The following SPRY3 variants were observed in gnomAD, a reference collection of about 807,000 sequenced individuals.
The protein encoded by SPRY3 is protein sprouty homolog 3.
In SPRY3, 15 loss-of-function variants were observed where a neutral mutation model predicts 20.2. The ratio of observed to expected loss-of-function variants is 0.74; its 90% CI spans 0.50 to 1.14. The LOEUF is 1.14. Among genes scored for constraint, SPRY3 ranks in the 50% most tolerant of loss-of-function variants. The pLI is 0.00. For synonymous variants in SPRY3, 143 were observed against 136.5 expected, an observed-to-expected ratio of 1.05 and a Z score of -0.33; for missense variants, 364 against 363.9, an observed-to-expected ratio of 1.00 and a Z score of 0.00.
intron 2 of SPRY3, among the ~76,000 whole-genome samples, chrX:155,721,251 G>T (rs2091055089): frequency 6.6e-6 from 1 of 151,924 alleles, no homozygotes; most frequent in Non-Finnish European, 1.5e-5. Context: ...CACAGTCAGA[G>T]AAACCAAAAT....
chrX:155,652,846 G>A (rs2067981278), intron 1 of SPRY3, among the ~76,000 whole-genome samples: 1 of 111,552 alleles, frequency 9.0e-6, no homozygotes, highest in South Asian at 3.7e-4. Context: ...TCTCGTTGAT[G>A]GTTCAGTTTA....
rs532295799 is a variant in SPRY3, at chrX:155,754,761, T to G, written c.-281-13201T>G. Among the ~76,000 whole-genome samples, 79 of 152,186 alleles carry G rather than the reference T, an allele frequency of 5.2e-4. 1 individual carries two copies. The South Asian group carries it at 0.016, about 31-fold the overall frequency. On this transcript the variant is annotated intron_variant, in intron 2 of 3. Coordinates refer to ENST00000675360, the Ensembl canonical transcript of SPRY3. The stretch of plus-strand genomic sequence containing the variant: ...TCCATTTATATAGGTCTGCTTTAAC[T>G]TCTTTCAACAATGTTCTGTGGTTTT...
intron 2 of SPRY3, among the ~76,000 whole-genome samples, chrX:155,756,678 T>C (rs1012598113): frequency 5.3e-5 from 8 of 152,054 alleles, no homozygotes; most frequent in African/African-American, 1.7e-4. Flanking sequence ...AGGATGGAAA[T>C]GAGGAGAAAG....
chrX:155,665,137 T>C (rs1418985964), intron 2 of SPRY3, among the ~76,000 whole-genome samples: 1 of 110,399 alleles, frequency 9.1e-6, no homozygotes, highest in Non-Finnish European at 1.9e-5. Context: ...CTAGTAAACA[T>C]GTTAAAAGAA....
chrX:155,715,955 C>A (rs776301839), intron 2 of SPRY3, among the ~76,000 whole-genome samples: 1 of 152,270 alleles, frequency 6.6e-6, no homozygotes, highest in Non-Finnish European at 1.5e-5. Flanking sequence ...GGAGGGGTGG[C>A]ATCAATGATT....
intron 1 of SPRY3, among the ~76,000 whole-genome samples, chrX:155,647,545 G>C (rs1461005613): frequency 9.1e-6 from 1 of 110,423 alleles, no homozygotes; most frequent in Non-Finnish European, 1.9e-5. Flanking sequence ...TTATGAGTGA[G>C]AACATGCAGT....
intron 2 of SPRY3, among the ~76,000 whole-genome samples, chrX:155,767,505 T>A (rs970476745): frequency 1.3e-5 from 2 of 150,784 alleles, no homozygotes; most frequent in Non-Finnish European, 2.9e-5. Flanking sequence ...GGTTCATCTG[T>A]CAGATTGGAG....
chrX:155,703,928 G>T (rs1000202744), intron 2 of SPRY3, among the ~76,000 whole-genome samples: 9 of 151,844 alleles, frequency 5.9e-5, no homozygotes, highest in African/African-American at 2.2e-4. Flanking sequence ...GCCTGTGGTG[G>T]TTCACTGATG....
intron 1 of SPRY3, among the ~76,000 whole-genome samples, chrX:155,631,151 G>A (rs1201469626): frequency 1.8e-5 from 2 of 111,166 alleles, no homozygotes; most frequent in African/African-American, 3.3e-5. Context: ...TTATGTCCAT[G>A]TGTGCTCAGT....
intron 2 of SPRY3, among the ~76,000 whole-genome samples, chrX:155,680,197 GGA>G (rs761827872): frequency 2.1e-4 from 16 of 75,136 alleles, no homozygotes; most frequent in Admixed American, 6.1e-4. Context: ...TGTGTTTGAG[GGA>G]GAGAGAGAGA....
intron 2 of SPRY3, among the ~76,000 whole-genome samples, chrX:155,712,058 C>T (rs1465256221): frequency 6.6e-6 from 1 of 150,954 alleles, no homozygotes; most frequent in African/African-American, 2.4e-5. Context: ...CATTGTGATG[C>T]TTGATATTAT....
chrX:155,758,615 G>C (rs2091292270), intron 2 of SPRY3, among the ~76,000 whole-genome samples: 1 of 152,136 alleles, frequency 6.6e-6, no homozygotes, highest in Admixed American at 6.5e-5. Flanking sequence ...GATAGAGCTG[G>C]CCTCCTATAG....
intron 2 of SPRY3, among the ~76,000 whole-genome samples, chrX:155,731,290 T>C (rs749621271): frequency 6.6e-6 from 1 of 152,196 alleles, no homozygotes; most frequent in East Asian, 1.9e-4. Context: ...GAAAACAGCA[T>C]GATACTGGCA....
intron 2 of SPRY3, among the ~76,000 whole-genome samples, chrX:155,756,325 T>C (rs1230266039): frequency 2.0e-5 from 3 of 152,060 alleles, no homozygotes; most frequent in Non-Finnish European, 4.4e-5. Flanking sequence ...AAGTGAAGTA[T>C]ATGTTGGTGT....
chrX:155,645,786 T>G (rs782776797), intron 1 of SPRY3, among the ~76,000 whole-genome samples: 1 of 112,083 alleles, frequency 8.9e-6, no homozygotes, highest in East Asian at 2.8e-4. Context: ...AGGCAAGTAC[T>G]CTGAGTGCTC....
At position 155,726,774 on chromosome X, in the gene SPRY3, A is replaced by T. The variant is rs1470439032; in HGVS notation, c.-281-41188A>T. ...ACTGATGGGTCTTGACTCTTTATCC[A>T]ATTTGCCAGTCTGTGTTGTTTAATT... On this transcript the variant is annotated intron_variant, in intron 2 of 3. Transcript: ENST00000675360. Among the ~76,000 whole-genome samples the T allele has an allele frequency of 2.6e-5, 4 of 152,262 alleles. No individual in the cohort carries two copies. The East Asian group carries it at 7.7e-4, about 29-fold the overall frequency.
At chrX:155,649,851 ACT>A (rs2067970572) in intron 1 of SPRY3, among the ~76,000 whole-genome samples, 1 of 111,567 alleles carries the variant, frequency 9.0e-6, no homozygotes, top group African/African-American at 3.3e-5. Context: ...ACATGACATG[ACT>A]TTATATTTAG....
chrX:155,705,273 A>G (rs781459899), intron 2 of SPRY3, among the ~76,000 whole-genome samples: 2 of 151,664 alleles, frequency 1.3e-5, no homozygotes, highest in East Asian at 3.9e-4. Flanking sequence ...TAAAAGCCTT[A>G]CACTTCATGT....
At chrX:155,736,779 A>C (rs1179012591) in intron 2 of SPRY3, among the ~76,000 whole-genome samples, 6 of 152,010 alleles carry the variant, frequency 3.9e-5, no homozygotes, top group Non-Finnish European at 7.4e-5. Context: ...ATTATTTCAA[A>C]TATTTATTTT....
Sources: gnomAD v4.1 joint callset for allele counts (sites outside exome capture counted in the v4.1 genomes callset) on GRCh38, gnomAD v4.1.1 for gene constraint, MANE v1.5 for transcripts, NCBI Gene and HGNC (gene_info 2026-07-23, HGNC 2026-07-21) for gene names.